The following RABL2B variants were observed in gnomAD, a reference collection of about 807,000 sequenced individuals.
RABL2B encodes the protein rab-like protein 2B.
Under a neutral mutation model 26.7 loss-of-function variants are expected in RABL2B, and 17 were observed. The ratio of observed to expected loss-of-function variants is 0.64; its 90% confidence interval spans 0.44 to 0.95. The LOEUF is 0.95. Ranked by LOEUF, RABL2B falls within the 40% of genes least tolerant of loss-of-function variation. The pLI is 0.00. For missense variants in RABL2B, 170 were observed against 277.2 expected (o/e 0.61, Z 2.75); for synonymous variants, 70 against 103.9 (o/e 0.67, Z 1.99).
chr22:50,781,068 C>T (rs531249777), intron 2 of RABL2B, among the ~76,000 whole-genome samples: 26 of 152,144 alleles, frequency 1.7e-4, no homozygotes, highest in Admixed American at 2.0e-4. Flanking sequence ...AGGCCGGGCG[C>T]GGTGGCTCAT....
intron 2 of RABL2B, among the ~76,000 whole-genome samples, chr22:50,780,068 G>A (rs1458776642): frequency 6.6e-6 from 1 of 152,148 alleles, no homozygotes; most frequent in African/African-American, 2.4e-5. Flanking sequence ...GCTCATGCCT[G>A]TAATGGCAGC....
At chr22:50,778,364 G>A (rs1411579291) in intron 2 of RABL2B, among the ~76,000 whole-genome samples, 27 of 151,896 alleles carry the variant, frequency 1.8e-4, no homozygotes, top group Admixed American at 3.9e-4. Context: ...TGTAATCCCA[G>A]CACTTTGGGA....
chr22:50,777,787 A>G, intron 3 of RABL2B, 165 bp downstream of exon 3: 2 of 988,576 alleles, frequency 2.0e-6, no homozygotes, highest in East Asian at 5.0e-5. Context: ...GTGCAATGCC[A>G]TGTGGGTCAA....
chr22:50,776,238 C>T (rs1182386434), intron 4 of RABL2B, among the ~76,000 whole-genome samples: 8 of 152,172 alleles, frequency 5.3e-5, no homozygotes, highest in Non-Finnish European at 8.8e-5. Context: ...GCTGTGTGCC[C>T]GGCCAAGGAG....
At chr22:50,770,044 C>G (rs782225044) in intron 5 of RABL2B, 28 bp from the exon 6 acceptor site, 6 of 1,613,740 alleles carry the variant, frequency 3.7e-6, no homozygotes, top group South Asian at 1.1e-5. Flanking sequence ...AGAAAGATAG[C>G]TCAGGTATGT....
chr22:50,774,493 C>T (rs1316004843), intron 5 of RABL2B, among the ~76,000 whole-genome samples: 2 of 149,474 alleles, frequency 1.3e-5, no homozygotes, highest in African/African-American at 5.0e-5. Context: ...GCTGGTGGTC[C>T]AGCCAAGTAC....
Position 50,768,835 on chromosome 22 carries a change from G to C in RABL2B, c.631C>G (p.Gln211Glu). 6.2e-7 allele frequency: 1 copy of C among 1,613,508 alleles called. No homozygotes were observed. The highest frequency in any genetic ancestry group is 8.5e-7 in the Non-Finnish European group (1 of 1,179,808). The part of the protein sequence containing the change: ...LEQEEEDVPD[Q>E]EQSSSIETPS... ...GTCTCGATGCTGCTGCTCTGTTCCTGGTCTGGCACGTCCTCCTCTTCCTGC... is the reference window on the plus strand; with the variant it reads ...GTCTCGATGCTGCTGCTCTGTTCCTCGTCTGGCACGTCCTCCTCTTCCTGC... Residue 211 changes from glutamine (Q) to glutamate (E), a missense_variant, in exon 9 of 9, where the codon CAG (glutamine) becomes GAG (glutamate). Gln to Glu is a conservative substitution (Grantham distance 29). Around this residue, in one of 2 missense-constraint regions of RABL2B, gnomAD observed 165 missense variants for 232.0 expected, o/e 0.71. Coordinates refer to ENST00000691320, the MANE Select transcript of RABL2B (RefSeq NM_001130919.3).
rs1228860279 is a variant in RABL2B at position 50,781,395 on chromosome 22, T to C, written c.107+793A>G. Among the ~76,000 whole-genome samples, 7 of 92,686 alleles carry C rather than the reference T, an allele frequency of 7.6e-5. No individual in the cohort carries two copies. The South Asian group carries it at 2.6e-3, about 34-fold the overall frequency. The allele number at this position is 92,686 out of a possible 152,430, so 60.8% of individuals were successfully genotyped here. A position where few individuals can be genotyped will look rare whatever the true frequency, so the allele number is the denominator to read the frequency against. The stretch of plus-strand genomic sequence containing the variant: ...AGAGCTGCAGTATGTGATTGTGTGG[T>C]GGGGAAGAGAGAGAGAGAGAGAGAG... On this transcript the variant is annotated intron_variant, in intron 2 of 8. Transcript: ENST00000691320.
chr22:50,776,447 G>C (rs1225314083), intron 4 of RABL2B, among the ~76,000 whole-genome samples: 1 of 152,210 alleles, frequency 6.6e-6, no homozygotes, highest in Non-Finnish European at 1.5e-5. Flanking sequence ...CTGCACAGGT[G>C]CTGGCCTGGA....
chr22:50,777,965 G>A lies in RABL2B; in HGVS notation c.124C>T (p.Leu42Phe). ...CTTGAAGGATACAAGCCATCCATGA[G>A]AAATCTCTCCATGAGTCTGTAAGCA... ...VGKSKLMERF[L>F]MDGFQPQQLS... Residue 42 changes from leucine to phenylalanine, a missense_variant, in exon 3 of 9, where the codon CTC (leucine) becomes TTC (phenylalanine). By Grantham distance (22) the Leu-to-Phe change is conservative (BLOSUM62 0). This residue lies in a region of RABL2B where 165 missense variants were observed against 232.0 expected (regional missense o/e 0.71). Transcript: ENST00000691320. 6.2e-7 allele frequency: 1 copy of A among 1,614,138 alleles called. No homozygotes were observed. Among genetic ancestry groups the A allele is most frequent in the South Asian group, 1.1e-5 (1 of 91,078 alleles).
intron 2 of RABL2B, among the ~76,000 whole-genome samples, chr22:50,778,182 AC>A (rs879984404): frequency 4.0e-5 from 6 of 151,692 alleles, no homozygotes; most frequent in Admixed American, 3.9e-4. Context: ...AGCTCATGTC[AC>A]TATGAGTACA....
At chr22:50,774,031 A>G (rs1200858931) in intron 5 of RABL2B, among the ~76,000 whole-genome samples, 1 of 152,086 alleles carries the variant, frequency 6.6e-6, no homozygotes, top group East Asian at 1.9e-4. Context: ...AGTAGCTAGG[A>G]CTACAGGCGC....
rs1555915980 is a variant in RABL2B, at chr22:50,768,904, C to T, written c.592-30G>A. 7 of 1,605,194 alleles carry T rather than the reference C, an allele frequency of 4.4e-6. No homozygotes were observed. The African/African-American group carries it at 5.5e-5, about 13-fold the overall frequency. ...GAACAAGGTCGCAGGTGAGGCCTGG[C>T]CCTGCATTTGCTCAACCGCAGCTCT... On this transcript the variant is annotated intron_variant, in intron 8 of 8. Coordinates refer to ENST00000691320, the MANE Select transcript of RABL2B (RefSeq NM_001130919.3).
intron 2 of RABL2B, chr22:50,780,590 CCA>C (rs2085673031): frequency 1.2e-5 from 5 of 434,602 alleles, no homozygotes; most frequent in Non-Finnish European, 2.4e-5. Context: ...CAAAACTGAA[CCA>C]CAGTGTTCTC....
rs1177727703 is a variant in RABL2B, at chr22:50,774,468, C to T, written c.297+1304G>A. Among the ~76,000 whole-genome samples, 4 of 149,980 alleles carry T rather than the reference C, an allele frequency of 2.7e-5. No individual in the cohort carries two copies. In the South Asian group the frequency reaches 6.3e-4, roughly 24 times the overall value. On this transcript the variant is annotated intron_variant, in intron 5 of 8. Coordinates refer to ENST00000691320, the MANE Select transcript of RABL2B (RefSeq NM_001130919.3). ...CCAAATGACAAACTGCGAAGAAACA[C>T]GGGGAGTAGAACCTGCTGGTGGTCC...
At position 50,782,831 on chromosome 22, in the gene RABL2B, G is replaced by A. The variant is rs2086111957; in HGVS notation, c.-53-484C>T. 4 of 133,618 alleles carry A rather than the reference G, an allele frequency of 3.0e-5. No homozygotes were observed. In the Admixed American group the frequency reaches 3.0e-4, roughly 10 times the overall value. 8.3% of individuals were successfully genotyped at this position (133,618 alleles called of 1,614,324 possible). On this transcript the variant is annotated intron_variant, in intron 1 of 8. Transcript: ENST00000691320. ...GAGGATGGAAGACACAATGATAGCA[G>A]AGTCTACTGTGGTGAGAGCTACGAC...
intron 5 of RABL2B, chr22:50,770,365 A>C (rs183509564): frequency 1.1e-3 from 350 of 308,366 alleles, no homozygotes; most frequent in Non-Finnish European, 2.0e-3. Context: ...AAAATGCAAA[A>C]AATTAGCTGG....
intron 3 of RABL2B, 117 bp from the exon 4 acceptor site, chr22:50,776,866 G>T (rs1336446100): frequency 6.8e-7 from 1 of 1,464,378 alleles, no homozygotes; most frequent in Non-Finnish European, 9.2e-7. Flanking sequence ...TGGAGTTATT[G>T]AGATTTTAAA....
chr22:50,768,804 G>C lies in RABL2B; in HGVS notation c.662C>G (p.Ser221Ter). ...QEQSSSIETP[S>*]EEAASPHS Reference sequence around the variant, plus strand: ...GCTGTGGGGAGAGGCCGCCTCCTCTGATGGGGTCTCGATGCTGCTGCTCTG... The same window carrying C: ...GCTGTGGGGAGAGGCCGCCTCCTCTCATGGGGTCTCGATGCTGCTGCTCTG... The change falls in exon 9 of 9, where the codon TCA becomes TGA. Residue 221 changes from serine to a stop codon, truncating the protein, a stop_gained. Coordinates refer to ENST00000691320, the MANE Select transcript of RABL2B (RefSeq NM_001130919.3). LOFTEE classifies it low-confidence loss of function (END_TRUNC). 1 of 1,613,862 alleles carries C rather than the reference G, an allele frequency of 6.2e-7. No individual in the cohort carries two copies. Among genetic ancestry groups the C allele is most frequent in the Admixed American group, 1.7e-5 (1 of 60,008 alleles).
Sources: gnomAD v4.1 joint callset for allele counts (sites outside exome capture counted in the v4.1 genomes callset) on GRCh38, gnomAD v4.1.1 for gene constraint, gnomAD v4.1.1 regional missense constraint, MANE v1.5 for transcripts, NCBI Gene and HGNC (gene_info 2026-07-23, HGNC 2026-07-21) for gene names.